Variants in SULF1 observed in about 807,000 individuals in gnomAD.
The protein encoded by SULF1 is extracellular sulfatase Sulf-1.
A neutral mutation model predicts 110.5 loss-of-function variants in SULF1; 46 were observed. That is an observed-to-expected ratio of 0.42 (90% CI 0.33 to 0.53). The LOEUF is 0.53. Among genes scored for constraint, SULF1 ranks in the 20% least tolerant of loss-of-function variants. SULF1 has a pLI of 0.12. For synonymous variants in SULF1, 371 were observed against 387.1 expected, an observed-to-expected ratio of 0.96 and a Z score of 0.49; for missense variants, 941 against 1,094.2, an observed-to-expected ratio of 0.86 and a Z score of 1.98.
At chr8:69,592,826 A>G in intron 8 of SULF1, 1 of 736,160 alleles carries the variant, frequency 1.4e-6, no homozygotes, top group Middle Eastern at 3.8e-4. Flanking sequence ...GAGAGAAATG[A>G]CAACTTGATG....
intron 3 of SULF1, among the ~76,000 whole-genome samples, chr8:69,506,691 A>G (rs1295074357): frequency 1.3e-5 from 2 of 152,164 alleles, no homozygotes; most frequent in Admixed American, 1.3e-4. Context: ...AACTCCAGAG[A>G]TGTTGACCAA....
chr8:69,574,802 G>T (rs921109044), intron 5 of SULF1, among the ~76,000 whole-genome samples: 7 of 152,174 alleles, frequency 4.6e-5, no homozygotes, highest in Non-Finnish European at 8.8e-5. Context: ...CCTAGCCGAG[G>T]CATATTTTAG....
chr8:69,497,407 C>T (rs1040132323), intron 2 of SULF1, among the ~76,000 whole-genome samples: 3 of 152,116 alleles, frequency 2.0e-5, no homozygotes. Context: ...CCACCCACCT[C>T]ACCCTCCCAA....
At chr8:69,616,591 G>A (rs1298262493) in intron 13 of SULF1, among the ~76,000 whole-genome samples, 3 of 151,488 alleles carry the variant, frequency 2.0e-5, no homozygotes, top group Non-Finnish European at 4.4e-5. Context: ...TAGTAGAGAC[G>A]GGGTTTCACC....
chr8:69,557,561 A>G (rs1010037835), intron 3 of SULF1, among the ~76,000 whole-genome samples: 12 of 152,128 alleles, frequency 7.9e-5, no homozygotes, highest in African/African-American at 2.9e-4. Context: ...CTTCAACTCC[A>G]TCTATTTTCT....
At chr8:69,616,495 A>T (rs1359964749) in intron 13 of SULF1, among the ~76,000 whole-genome samples, 1 of 151,988 alleles carries the variant, frequency 6.6e-6, no homozygotes, top group Non-Finnish European at 1.5e-5. Flanking sequence ...TCCGCCTCCC[A>T]GGTTCAAGTG....
chr8:69,499,954 G>T (rs965213658), intron 2 of SULF1, among the ~76,000 whole-genome samples: 4 of 151,940 alleles, frequency 2.6e-5, no homozygotes, highest in Non-Finnish European at 5.9e-5. Context: ...GTCCCACTGT[G>T]TTGCCCAGGC....
intron 13 of SULF1, 77 bp from the exon 14 acceptor site, chr8:69,620,958 A>G (rs1387439262): frequency 6.8e-6 from 9 of 1,313,978 alleles, no homozygotes; most frequent in Non-Finnish European, 9.4e-6. Context: ...GAAAAAAGAA[A>G]AAAACTAAGG....
intron 13 of SULF1, among the ~76,000 whole-genome samples, chr8:69,606,392 T>C (rs895495780): frequency 6.6e-6 from 1 of 152,246 alleles, no homozygotes; most frequent in African/African-American, 2.4e-5. Flanking sequence ...AATATTATTA[T>C]GAATAAAACC....
At chr8:69,639,949 CAG>C (rs1811333209) in intron 21 of SULF1, among the ~76,000 whole-genome samples, 1 of 152,158 alleles carries the variant, frequency 6.6e-6, no homozygotes, top group South Asian at 2.1e-4. Context: ...TTAGTGGAAT[CAG>C]TTGTCAGTCA....
intron 22 of SULF1, among the ~76,000 whole-genome samples, chr8:69,653,596 T>C (rs1317674840): frequency 1.3e-5 from 2 of 152,222 alleles, no homozygotes; most frequent in African/African-American, 4.8e-5. Context: ...TCGTTTAAGA[T>C]TTTTAATGAG....
At chr8:69,588,901 C>A in intron 7 of SULF1, 71 bp from the exon 8 acceptor site, 4 of 1,463,116 alleles carry the variant, frequency 2.7e-6, no homozygotes, top group South Asian at 2.6e-5. Context: ...CTGAGGAAAG[C>A]AGTTATTCAA....
chr8:69,658,494 T>C lies in SULF1; in HGVS notation c.2586-11T>C. 3 of 1,570,698 alleles carry C rather than the reference T, an allele frequency of 1.9e-6. No homozygotes were observed. In the South Asian group the frequency reaches 3.6e-5, roughly 19 times the overall value. On this transcript the variant is annotated splice_polypyrimidine_tract_variant and intron_variant, in intron 22 of 22. Coordinates refer to ENST00000402687, the MANE Select transcript of SULF1 (RefSeq NM_001128205.2). ...TCCACTAATGATTCACCTTCTTCTC[T>C]CTTTTCACAGAGGACAGTTATGGGA...
intron 3 of SULF1, among the ~76,000 whole-genome samples, chr8:69,527,265 G>T (rs11992625): frequency 0.037 from 5,695 of 152,040 alleles, 346 homozygotes; most frequent in African/African-American, 0.13. Flanking sequence ...AAACCGCATA[G>T]AAACAAAAGA....
chr8:69,546,904 C>A (rs1465965683), intron 3 of SULF1, among the ~76,000 whole-genome samples: 1 of 152,056 alleles, frequency 6.6e-6, no homozygotes, highest in Non-Finnish European at 1.5e-5. Flanking sequence ...AATAAGTAAA[C>A]CTGAAACCAA....
intron 3 of SULF1, among the ~76,000 whole-genome samples, chr8:69,537,145 G>T (rs13262338): frequency 0.16 from 24,730 of 152,000 alleles, 2,022 homozygotes; most frequent in Middle Eastern, 0.21. Flanking sequence ...AGGAGACTCT[G>T]TGCCCTGGGG....
intron 5 of SULF1, among the ~76,000 whole-genome samples, chr8:69,565,261 C>T (rs1389622853): frequency 1.3e-5 from 2 of 151,434 alleles, no homozygotes; most frequent in East Asian, 1.9e-4. Context: ...GATTTTCAGG[C>T]GACAGGCCAA....
intron 3 of SULF1, among the ~76,000 whole-genome samples, chr8:69,557,391 C>G (rs1230668854): frequency 6.6e-6 from 1 of 152,190 alleles, no homozygotes; most frequent in African/African-American, 2.4e-5. Flanking sequence ...CTGAAAGAAG[C>G]TGGACAAATT....
intron 5 of SULF1, among the ~76,000 whole-genome samples, chr8:69,566,057 A>C (rs1815860196): frequency 6.6e-6 from 1 of 151,120 alleles, no homozygotes; most frequent in Non-Finnish European, 1.5e-5. Context: ...TTTCCTTTGC[A>C]CCCCGAGAAC....
Sources: gnomAD v4.1 joint callset for allele counts (sites outside exome capture counted in the v4.1 genomes callset) on GRCh38, gnomAD v4.1.1 for gene constraint, MANE v1.5 for transcripts, NCBI Gene and HGNC (gene_info 2026-07-23, HGNC 2026-07-21) for gene names.